NRG3: variants seen among roughly 807,000 people sequenced by gnomAD.
NRG3 encodes pro-neuregulin-3, membrane-bound isoform.
In NRG3, 31 loss-of-function variants were observed where a neutral mutation model predicts 66.9. The observed-to-expected ratio is 0.46, with a 90% CI of 0.35 to 0.63. The LOEUF (loss-of-function observed/expected upper bound fraction) is 0.63, where lower values mean the gene tolerates loss of function less well. NRG3 is among the 20% of genes least tolerant of loss of function. NRG3 has a pLI of 0.00. For synonymous variants in NRG3, 393 were observed against 359.4 expected, an observed-to-expected ratio of 1.09 and a Z score of -1.06; for missense variants, 910 against 878.9, an observed-to-expected ratio of 1.04 and a Z score of -0.45.
chr10:82,972,395 T>C (rs2132573285), intron 6 of NRG3, among the ~76,000 whole-genome samples: 1 of 152,282 alleles, frequency 6.6e-6, no homozygotes. Context: ...ATGTTGAAAT[T>C]CTTTGGACTT....
chr10:82,966,749 A>G (rs1194558762), intron 6 of NRG3, among the ~76,000 whole-genome samples: 3 of 152,108 alleles, frequency 2.0e-5, no homozygotes, highest in Non-Finnish European at 4.4e-5. Context: ...TCCATCATAT[A>G]TTTTTATCAG....
intron 2 of NRG3, among the ~76,000 whole-genome samples, chr10:82,414,678 A>G (rs543740810): frequency 6.6e-6 from 1 of 152,304 alleles, no homozygotes; most frequent in African/African-American, 2.4e-5. Flanking sequence ...GGAATGAATA[A>G]ATATGGTTAT....
chr10:82,323,015 GAGAAGAAAA>G (rs2081657698), intron 1 of NRG3, among the ~76,000 whole-genome samples: 1 of 152,110 alleles, frequency 6.6e-6, no homozygotes. Flanking sequence ...TAAGAATAAG[GAGAAGAAAA>G]AGGAAAAAGG....
intron 1 of NRG3, among the ~76,000 whole-genome samples, chr10:82,244,411 G>A (rs1448572067): frequency 2.0e-5 from 3 of 152,182 alleles, no homozygotes; most frequent in African/African-American, 7.2e-5. Context: ...TGAATTAGAT[G>A]TCTGGAGACC....
intron 1 of NRG3, among the ~76,000 whole-genome samples, chr10:82,135,746 T>C (rs2069293894): frequency 1.3e-5 from 2 of 152,130 alleles, no homozygotes; most frequent in South Asian, 4.1e-4. Flanking sequence ...CTTCTTTGTA[T>C]TTTCTTGAAT....
At chr10:81,938,363 TATC>T (rs1298556564) in intron 1 of NRG3, among the ~76,000 whole-genome samples, 1 of 151,168 alleles carries the variant, frequency 6.6e-6, no homozygotes, top group East Asian at 2.0e-4. Flanking sequence ...GGCCATGGGA[TATC>T]ATGCCATTTA....
At chr10:82,809,374 A>T (rs1330887883) in intron 3 of NRG3, among the ~76,000 whole-genome samples, 2 of 151,734 alleles carry the variant, frequency 1.3e-5, no homozygotes, top group Admixed American at 1.3e-4. Flanking sequence ...TACAAAAAAT[A>T]TATATTATAT....
At chr10:82,321,510 T>C (rs2135142392) in intron 1 of NRG3, among the ~76,000 whole-genome samples, 1 of 152,312 alleles carries the variant, frequency 6.6e-6, no homozygotes, top group African/African-American at 2.4e-5. Context: ...AATCCCTTCA[T>C]CCAGAAATGG....
At chr10:82,948,514 CT>C (rs1371970152) in intron 4 of NRG3, among the ~76,000 whole-genome samples, 1 of 152,072 alleles carries the variant, frequency 6.6e-6, no homozygotes, top group African/African-American at 2.4e-5. Context: ...ATCAATCTGT[CT>C]ATCATCTTGG....
At chr10:82,425,110 T>C (rs1408204950) in intron 2 of NRG3, among the ~76,000 whole-genome samples, 1 of 152,050 alleles carries the variant, frequency 6.6e-6, no homozygotes, top group African/African-American at 2.4e-5. Context: ...TTTCTCAAGA[T>C]TGTTTGGTTA....
intron 1 of NRG3, among the ~76,000 whole-genome samples, chr10:82,053,595 A>G (rs1181683902): frequency 6.6e-6 from 1 of 150,900 alleles, no homozygotes; most frequent in Non-Finnish European, 1.5e-5. Context: ...CATCATCTCT[A>G]CAACTTTCAG....
intron 2 of NRG3, among the ~76,000 whole-genome samples, chr10:82,700,280 C>T (rs898513431): frequency 6.6e-6 from 1 of 151,994 alleles, no homozygotes; most frequent in Non-Finnish European, 1.5e-5. Flanking sequence ...TCTTGTCACT[C>T]GAGGAGACTT....
intron 1 of NRG3, among the ~76,000 whole-genome samples, chr10:82,193,549 G>T (rs1195730138): frequency 3.9e-5 from 6 of 152,178 alleles, no homozygotes; most frequent in Non-Finnish European, 8.8e-5. Context: ...TCAGTGTCTG[G>T]GTAGAAGTTT....
At chr10:82,665,117 A>G (rs1440157088) in intron 2 of NRG3, among the ~76,000 whole-genome samples, 2 of 151,756 alleles carry the variant, frequency 1.3e-5, no homozygotes, top group African/African-American at 4.8e-5. Flanking sequence ...CATTGTTCTG[A>G]TTGTTTGCTC....
intron 1 of NRG3, among the ~76,000 whole-genome samples, chr10:82,005,614 G>C (rs2061348324): frequency 1.3e-5 from 2 of 152,112 alleles, no homozygotes; most frequent in Non-Finnish European, 2.9e-5. Context: ...AATGATACCA[G>C]TAAAGTTACC....
At chr10:82,710,359 G>A (rs1458606769) in intron 2 of NRG3, among the ~76,000 whole-genome samples, 1 of 152,154 alleles carries the variant, frequency 6.6e-6, no homozygotes, top group Non-Finnish European at 1.5e-5. Flanking sequence ...GCCAAGGCAG[G>A]TGAATCCTCT....
chr10:82,260,821 G>A (rs547379610), intron 1 of NRG3, among the ~76,000 whole-genome samples: 1 of 152,332 alleles, frequency 6.6e-6, no homozygotes, highest in South Asian at 2.1e-4. Flanking sequence ...GCTACATGAT[G>A]TTGTACAGCC....
intron 2 of NRG3, among the ~76,000 whole-genome samples, chr10:82,662,295 A>G (rs2133971561): frequency 6.6e-6 from 1 of 152,258 alleles, no homozygotes; most frequent in Admixed American, 6.5e-5. Flanking sequence ...TTTGTCCACC[A>G]GGTATAATCA....
chr10:82,353,714 TTC>T (rs1564830249), intron 1 of NRG3, among the ~76,000 whole-genome samples: 1 of 152,190 alleles, frequency 6.6e-6, no homozygotes, highest in African/African-American at 2.4e-5. Flanking sequence ...GCAGCAGTGC[TTC>T]CTTAAACTGA....
Sources: gnomAD v4.1 joint callset for allele counts (sites outside exome capture counted in the v4.1 genomes callset) on GRCh38, gnomAD v4.1.1 for gene constraint, MANE v1.5 for transcripts, NCBI Gene and HGNC (gene_info 2026-07-23, HGNC 2026-07-21) for gene names.